The following FHL2 variants were observed in gnomAD, a reference collection of about 807,000 sequenced individuals.
FHL2 encodes the protein four and a half LIM domains protein 2.
Under a neutral mutation model 32.7 loss-of-function variants are expected in FHL2, and 20 were observed. The ratio of observed to expected loss-of-function variants is 0.61; its 90% CI spans 0.43 to 0.89. The LOEUF (loss-of-function observed/expected upper bound fraction) is 0.89. Among genes scored for constraint, FHL2 ranks in the 40% least tolerant of loss-of-function variants. FHL2 has a pLI of 0.00. For synonymous variants in FHL2, 123 were observed against 128.1 expected, an observed-to-expected ratio of 0.96 and a Z score of 0.27; for missense variants, 311 against 358.6, an observed-to-expected ratio of 0.87 and a Z score of 1.07.
chr2:105,416,218 G>A (rs182364465), intron 1 of FHL2, among the ~76,000 whole-genome samples: 1 of 152,284 alleles, frequency 6.6e-6, no homozygotes, highest in Admixed American at 6.5e-5. Context: ...ATGTTTTCAT[G>A]AAAAATAATT....
intron 2 of FHL2, chr2:105,390,024 T>G (rs184871986): frequency 0.012 from 1,827 of 152,210 alleles, 16 homozygotes; most frequent in Non-Finnish European, 0.02. Flanking sequence ...GTCAGGAGAT[T>G]GAGACCATCC....
rs1466502079 is a variant in FHL2, at chr2:105,383,990, A to G, written c.156+2371T>C. ...CAGCAGCCTTGATGATTTTGGCTCC[A>G]TTTGGGAGACTCTTGTTTATTTGCT... On this transcript the variant is annotated intron_variant, in intron 3 of 6. Coordinates refer to ENST00000530340, the MANE Select transcript of FHL2 (RefSeq NM_001318895.3). 7.2e-5 allele frequency among the ~76,000 whole-genome samples: 11 copies of G among 152,194 alleles called. No individual in the cohort carries two copies. The East Asian group carries it at 1.3e-3, about 19-fold the overall frequency.
intron 3 of FHL2, among the ~76,000 whole-genome samples, chr2:105,381,116 G>A (rs910916357): frequency 5.9e-5 from 9 of 152,012 alleles, no homozygotes; most frequent in South Asian, 2.1e-4. Context: ...TCCCTCCTTC[G>A]CACCCCATTC....
chr2:105,418,803 A>G (rs990242878), intron 1 of FHL2, among the ~76,000 whole-genome samples: 1 of 152,230 alleles, frequency 6.6e-6, no homozygotes, highest in Non-Finnish European at 1.5e-5. Flanking sequence ...TGACAGAGAG[A>G]GGCCACATTC....
chr2:105,397,560 C>T (rs1018609991), intron 1 of FHL2, among the ~76,000 whole-genome samples: 4 of 148,840 alleles, frequency 2.7e-5, no homozygotes, highest in Admixed American at 2.6e-4. Flanking sequence ...ATTTGTGAGA[C>T]GGTGAGCTAA....
At chr2:105,431,600 A>G (rs796101355) in intron 1 of FHL2, among the ~76,000 whole-genome samples, 6 of 152,314 alleles carry the variant, frequency 3.9e-5, no homozygotes, top group African/African-American at 1.4e-4. Flanking sequence ...GAGAGAAGGA[A>G]GAGATGAGGT....
chr2:105,390,387 G>C (rs1682639636), intron 2 of FHL2, among the ~76,000 whole-genome samples: 1 of 152,198 alleles, frequency 6.6e-6, no homozygotes, highest in Non-Finnish European at 1.5e-5. Context: ...CTCCCAGCAG[G>C]AACAGTAGCA....
At chr2:105,429,744 C>G (rs1684371964) in intron 1 of FHL2, among the ~76,000 whole-genome samples, 2 of 152,194 alleles carry the variant, frequency 1.3e-5, no homozygotes, top group South Asian at 4.1e-4. Context: ...GCAACTATAG[C>G]TCCTTAGTTC....
upstream of FHL2, among the ~76,000 whole-genome samples, chr2:105,401,876 G>T (rs748019443): frequency 1.3e-5 from 2 of 151,968 alleles, no homozygotes; most frequent in African/African-American, 2.4e-5. Context: ...TGCTTCTGGG[G>T]AGATCTGAGT....
chr2:105,370,215 C>G (rs572968637), intron 4 of FHL2, among the ~76,000 whole-genome samples: 3 of 149,668 alleles, frequency 2.0e-5, no homozygotes, highest in Non-Finnish European at 4.5e-5. Flanking sequence ...TCTACCCCCC[C>G]AAAAAAAAAA....
At chr2:105,430,223 C>T (rs184219565) in intron 1 of FHL2, among the ~76,000 whole-genome samples, 91 of 152,300 alleles carry the variant, frequency 6.0e-4, no homozygotes, top group Non-Finnish European at 1.1e-3. Flanking sequence ...CAAAGTGTGG[C>T]GCTGTGGCTT....
downstream of FHL2, chr2:105,358,216 T>A (rs1392735109): frequency 6.6e-6 from 1 of 152,244 alleles, no homozygotes; most frequent in Non-Finnish European, 1.5e-5. Context: ...AGATTTCTCG[T>A]TCTCCGTACC....
intron 3 of FHL2, chr2:105,378,688 T>G (rs1681658281): frequency 1.3e-5 from 2 of 154,302 alleles, no homozygotes. Context: ...CCTTTATGAC[T>G]GCACACACAA....
chr2:105,425,907 C>T (rs1235943084), intron 1 of FHL2, among the ~76,000 whole-genome samples: 9 of 152,252 alleles, frequency 5.9e-5, no homozygotes, highest in Admixed American at 2.0e-4. Context: ...AGGCCGGTGC[C>T]GGTGCAGGTC....
chr2:105,386,519 T>C lies in FHL2; in HGVS notation c.-3A>G. ...TGGCAGTCAAAGCGCTCAGTCATTT[T>C]GACTCCTGGCTTTTCAGCAACCTAT... is the stretch of plus-strand genomic sequence containing the variant. On this transcript the variant is annotated 5_prime_UTR_variant, in exon 3 of 7. Transcript: ENST00000530340. 1 of 1,614,140 alleles carries C rather than the reference T, an allele frequency of 6.2e-7. No individual in the cohort carries two copies. The highest frequency in any genetic ancestry group is 8.5e-7 in the Non-Finnish European group (1 of 1,180,020).
At chr2:105,419,656 T>A (rs1235221825) in intron 1 of FHL2, among the ~76,000 whole-genome samples, 1 of 152,222 alleles carries the variant, frequency 6.6e-6, no homozygotes, top group African/African-American at 2.4e-5. Flanking sequence ...GGTTGCTTTT[T>A]GCTTGTTTTG....
At position 105,412,767 on chromosome 2, in the gene FHL2, C is replaced by A. The variant is rs1324460774; in HGVS notation, c.-25+25632G>T. On this transcript the variant is annotated intron_variant, in intron 1 of 5. Transcript: ENST00000393352. ...AGAGCCAGAGGCGGGGGCAGTGAAG[C>A]CAGTGACTGACACAGCCGAGGAGCA... Among the ~76,000 whole-genome samples, 4 of 152,110 alleles carry A rather than the reference C, an allele frequency of 2.6e-5. No homozygotes were observed. The East Asian group carries it at 7.7e-4, about 29-fold the overall frequency.
At chr2:105,398,593 G>A (rs1021735034) in intron 1 of FHL2, among the ~76,000 whole-genome samples, 4 of 152,190 alleles carry the variant, frequency 2.6e-5, no homozygotes, top group Admixed American at 2.6e-4. Flanking sequence ...GTGAGGACGC[G>A]GGCTGCAGTC....
chr2:105,375,379 G>A (rs1190462065), intron 3 of FHL2: 1 of 152,210 alleles, frequency 6.6e-6, no homozygotes, highest in Non-Finnish European at 1.5e-5. Flanking sequence ...AGAACATCTG[G>A]GAATAGGATT....
Sources: allele counts gnomAD v4.1 joint callset (sites outside exome capture counted in the v4.1 genomes callset), GRCh38; gene constraint gnomAD v4.1.1; transcripts MANE v1.5; gene names NCBI Gene and HGNC (gene_info 2026-07-23, HGNC 2026-07-21).